The following SGTB variants were observed in gnomAD, a reference collection of about 807,000 sequenced individuals.
The protein encoded by SGTB is small glutamine-rich tetratricopeptide repeat-containing protein beta.
Under a neutral mutation model 43.9 loss-of-function variants are expected in SGTB, and 19 were observed. The observed-to-expected ratio is 0.43, with a 90% CI of 0.30 to 0.63. SGTB has a LOEUF of 0.63. Ranked by LOEUF, SGTB falls within the 30% of genes least tolerant of loss-of-function variation. The pLI is 0.12. For missense variants in SGTB, 304 were observed against 358.9 expected (o/e 0.85, Z 1.24); for synonymous variants, 116 against 117.3 (o/e 0.99, Z 0.07).
chr5:65,722,516 C>G (rs1425842974), upstream of SGTB: 29 of 1,101,600 alleles, frequency 2.6e-5, no homozygotes, highest in Non-Finnish European at 3.8e-5. Context: ...CGCGCCTCTC[C>G]GACGCTCCCG....
At chr5:65,703,968 G>A (rs1284196200) in intron 5 of SGTB, among the ~76,000 whole-genome samples, 1 of 150,210 alleles carries the variant, frequency 6.7e-6, no homozygotes, top group Non-Finnish European at 1.5e-5. Context: ...AACCCGGGAA[G>A]CGGAGCTTGC....
chr5:65,691,443 G>C (rs1000185231), intron 5 of SGTB, among the ~76,000 whole-genome samples: 1 of 151,820 alleles, frequency 6.6e-6, no homozygotes, highest in South Asian at 2.1e-4. Flanking sequence ...TTTTTTTTGA[G>C]ACAGTCTTGC....
intron 3 of SGTB, among the ~76,000 whole-genome samples, chr5:65,709,462 T>C (rs1758003612): frequency 6.6e-6 from 1 of 151,690 alleles, no homozygotes; most frequent in Non-Finnish European, 1.5e-5. Flanking sequence ...CACTGCAATC[T>C]GCGCCTCCCA....
chr5:65,690,705 T>C, intron 5 of SGTB, among the ~76,000 whole-genome samples: 1 of 152,198 alleles, frequency 6.6e-6, no homozygotes. Context: ...TTTAATTTTA[T>C]GTAAAAAACG....
At chr5:65,707,684 C>T (rs1433156069) in intron 4 of SGTB, among the ~76,000 whole-genome samples, 2 of 152,106 alleles carry the variant, frequency 1.3e-5, no homozygotes, top group East Asian at 1.9e-4. Context: ...CCACCCACCT[C>T]GGCCTCCCAA....
chr5:65,681,844 A>G (rs566644775), intron 6 of SGTB, among the ~76,000 whole-genome samples: 1 of 152,156 alleles, frequency 6.6e-6, no homozygotes, highest in Admixed American at 6.5e-5. Context: ...GCATGGTGGC[A>G]GACGCCTGTA....
intron 7 of SGTB, 44 bp downstream of exon 7, chr5:65,680,612 T>G: frequency 1.9e-6 from 3 of 1,613,912 alleles, no homozygotes; most frequent in Non-Finnish European, 2.5e-6. Context: ...CAATAAATTG[T>G]GAATGACAGA....
At chr5:65,713,791 G>C (rs1758093386) in intron 2 of SGTB, among the ~76,000 whole-genome samples, 1 of 152,138 alleles carries the variant, frequency 6.6e-6, no homozygotes, top group Non-Finnish European at 1.5e-5. Flanking sequence ...AGTTTGGGAG[G>C]CCAAGGAGAG....
chr5:65,710,932 G>C (rs1412003709), intron 3 of SGTB, among the ~76,000 whole-genome samples: 1 of 149,062 alleles, frequency 6.7e-6, no homozygotes, highest in Non-Finnish European at 1.5e-5. Flanking sequence ...GCAGGCAGAA[G>C]TTGCAGTCAG....
rs1757134144 is a variant in SGTB at position 65,670,475 on chromosome 5, GTT to G, written c.804-120_804-119del. 7.0e-6 allele frequency: 5 copies of G among 715,274 alleles called. No homozygotes were observed. In the East Asian group the frequency reaches 1.3e-4, roughly 18 times the overall value. The allele number at this position is 715,274 out of a possible 1,614,324, so 44.3% of individuals were successfully genotyped here. ...AGGGGGCTTTTTTCTATAAAAACAA[GTT>G]TCAGAGCCATGACTTTAGAATCTAC... On this transcript the variant is annotated intron_variant, in intron 10 of 10. Transcript: ENST00000381007.
intron 8 of SGTB, among the ~76,000 whole-genome samples, chr5:65,675,645 C>A (rs113528044): frequency 0.022 from 3,331 of 152,294 alleles, 114 homozygotes; most frequent in African/African-American, 0.076. Flanking sequence ...AACAGCAGAT[C>A]TCTCAGCAGA....
intron 4 of SGTB, among the ~76,000 whole-genome samples, chr5:65,706,910 G>A (rs1024774774): frequency 1.1e-4 from 16 of 152,042 alleles, no homozygotes; most frequent in Non-Finnish European, 1.8e-4. Context: ...AAAATTATCT[G>A]TCTAGGTAAG....
At chr5:65,685,846 G>A (rs1438107284) in intron 5 of SGTB, among the ~76,000 whole-genome samples, 1 of 152,228 alleles carries the variant, frequency 6.6e-6, no homozygotes, top group Non-Finnish European at 1.5e-5. Context: ...TGGCTACACA[G>A]AGGGTTGTGC....
At chr5:65,685,650 C>A (rs189190697) in intron 5 of SGTB, among the ~76,000 whole-genome samples, 178 bp from the exon 6 acceptor site, 20 of 152,046 alleles carry the variant, frequency 1.3e-4, no homozygotes, top group Non-Finnish European at 2.4e-4. Context: ...AGCTCAGAAA[C>A]TTCTGTGCAG....
intron 2 of SGTB, among the ~76,000 whole-genome samples, chr5:65,715,046 T>C (rs1292739535): frequency 1.3e-5 from 2 of 152,208 alleles, no homozygotes; most frequent in Non-Finnish European, 2.9e-5. Flanking sequence ...TTGGGATTAG[T>C]GAACAAAGCT....
At chr5:65,717,770 A>T (rs1226664738) in intron 2 of SGTB, among the ~76,000 whole-genome samples, 1 of 152,170 alleles carries the variant, frequency 6.6e-6, no homozygotes, top group East Asian at 1.9e-4. Flanking sequence ...TTAAAGGTCT[A>T]CTTGAAGTTC....
intron 8 of SGTB, among the ~76,000 whole-genome samples, chr5:65,680,146 G>A (rs898110171): frequency 4.6e-5 from 7 of 152,168 alleles, no homozygotes; most frequent in African/African-American, 9.7e-5. Flanking sequence ...ACATGTAGGG[G>A]AACAACACAC....
intron 5 of SGTB, among the ~76,000 whole-genome samples, chr5:65,691,127 GGAA>G (rs1462036411): frequency 4.6e-5 from 7 of 152,162 alleles, no homozygotes; most frequent in Non-Finnish European, 1.0e-4. Flanking sequence ...ATAAAATGGG[GGAA>G]GATAAGGGAG....
At chr5:65,698,673 TC>T (rs1486758315) in intron 5 of SGTB, among the ~76,000 whole-genome samples, 1 of 151,844 alleles carries the variant, frequency 6.6e-6, no homozygotes, top group Non-Finnish European at 1.5e-5. Context: ...TACAAGAAAC[TC>T]AAACAAATCG....
Sources: gnomAD v4.1 joint callset for allele counts (sites outside exome capture counted in the v4.1 genomes callset) on GRCh38, gnomAD v4.1.1 for gene constraint, MANE v1.5 for transcripts, NCBI Gene and HGNC (gene_info 2026-07-23, HGNC 2026-07-21) for gene names.